The following RCOR1 variants were observed in gnomAD, a reference collection of about 807,000 sequenced individuals.
The protein encoded by RCOR1 is REST corepressor 1, also known as REST corepressor.
In RCOR1, 12 loss-of-function variants were observed where a neutral mutation model predicts 64.0. The ratio of observed to expected loss-of-function variants is 0.19; its 90% confidence interval spans 0.12 to 0.30. The LOEUF (loss-of-function observed/expected upper bound fraction) is 0.30. RCOR1 is among the 10% of genes least tolerant of loss of function. RCOR1 has a pLI of 1.00. For missense variants in RCOR1, 502 were observed against 621.2 expected (o/e 0.81, Z 2.04); for synonymous variants, 279 against 227.2 (o/e 1.23, Z -2.05).
intron 2 of RCOR1, among the ~76,000 whole-genome samples, chr14:102,663,583 G>C (rs989579030): frequency 6.6e-6 from 1 of 152,190 alleles, no homozygotes; most frequent in African/African-American, 2.4e-5. Flanking sequence ...TCATAAGATT[G>C]TGGTGCCTCA....
intron 2 of RCOR1, among the ~76,000 whole-genome samples, chr14:102,596,903 T>C (rs1893263174): frequency 1.6e-5 from 2 of 122,180 alleles, no homozygotes; most frequent in Non-Finnish European, 3.5e-5. Context: ...GACGGAGTCT[T>C]GATCTGTTGC....
At chr14:102,719,016 C>G (rs1465476911) in intron 8 of RCOR1, among the ~76,000 whole-genome samples, 1 of 152,082 alleles carries the variant, frequency 6.6e-6, no homozygotes, top group Admixed American at 6.6e-5. Flanking sequence ...TTCTTGAACT[C>G]CTGGGCTCAA....
intron 2 of RCOR1, among the ~76,000 whole-genome samples, chr14:102,663,854 C>G (rs1377331751): frequency 1.3e-5 from 2 of 152,148 alleles, no homozygotes; most frequent in Non-Finnish European, 2.9e-5. Flanking sequence ...ATATTGATAA[C>G]ATGGAAGAAA....
At chr14:102,656,129 A>ATTTTTTTTTTTTTTTTTTTTTTTT (rs201549580) in intron 2 of RCOR1, 1 of 978,842 alleles carries the variant, frequency 1.0e-6, no homozygotes, top group Admixed American at 6.2e-5. Context: ...CTTTGCTGAG[A>ATTTTTTTTTTTTTTTTTTTTTTTT]TTTTTTTATT....
rs74084129 is a variant in RCOR1, at chr14:102,700,091, A to G, written c.446-1187A>G. Reference sequence around the variant, plus strand: ...TTAAAACATAAAGAATAGTTTGTTCATTATTCAACCTGAGCTGAAACTAAA... The same window carrying G: ...TTAAAACATAAAGAATAGTTTGTTCGTTATTCAACCTGAGCTGAAACTAAA... On this transcript the variant is annotated intron_variant, in intron 3 of 11. Coordinates refer to ENST00000262241, the MANE Select transcript of RCOR1 (RefSeq NM_015156.4). Among the ~76,000 whole-genome samples the G allele has an allele frequency of 6.1e-3, 923 of 152,326 alleles. 10 individuals carry two copies. Among genetic ancestry groups the G allele is most frequent in the African/African-American group, 0.021 (890 of 41,574 alleles).
intron 5 of RCOR1, among the ~76,000 whole-genome samples, chr14:102,707,791 G>A (rs997289050): frequency 4.9e-5 from 6 of 122,802 alleles, no homozygotes; most frequent in Admixed American, 1.8e-4. Flanking sequence ...AGACCCATAC[G>A]AAGGACTTTT....
At chr14:102,617,322 G>A (rs561604844) in intron 2 of RCOR1, among the ~76,000 whole-genome samples, 18 of 152,262 alleles carry the variant, frequency 1.2e-4, no homozygotes, top group African/African-American at 3.4e-4. Flanking sequence ...ATTTTTTAGC[G>A]TTTCAAGAGC....
intron 2 of RCOR1, among the ~76,000 whole-genome samples, chr14:102,679,944 C>T (rs796126722): frequency 5.3e-5 from 8 of 152,240 alleles, no homozygotes; most frequent in African/African-American, 1.7e-4. Flanking sequence ...TTATCAATTA[C>T]GGCAAAAGAA....
chr14:102,644,363 T>G (rs1327542477), intron 2 of RCOR1, among the ~76,000 whole-genome samples: 1 of 152,226 alleles, frequency 6.6e-6, no homozygotes, highest in Non-Finnish European at 1.5e-5. Flanking sequence ...GAACATAGAT[T>G]CCATCTCTTG....
chr14:102,675,231 T>A (rs545267911), intron 2 of RCOR1, among the ~76,000 whole-genome samples: 2 of 152,204 alleles, frequency 1.3e-5, no homozygotes, highest in Admixed American at 1.3e-4. Context: ...TTGTGAGTGT[T>A]AAGACATGTA....
At chr14:102,668,124 T>C (rs1894952730) in intron 2 of RCOR1, among the ~76,000 whole-genome samples, 1 of 152,140 alleles carries the variant, frequency 6.6e-6, no homozygotes, top group South Asian at 2.1e-4. Flanking sequence ...AAGGTCAACT[T>C]TTGTTAAAAT....
In RCOR1 at chr14:102,611,814, C is replaced by T. The variant is rs1210469875; in HGVS notation, c.361+18489C>T. Among the ~76,000 whole-genome samples the T allele has an allele frequency of 5.9e-5, 9 of 152,188 alleles. No individual in the cohort carries two copies. In the East Asian group the frequency reaches 1.5e-3, roughly 26 times the overall value. ...CCCATGTGAGCCTTGTGGATTGTTC[C>T]ATTTGATTCTTTTGGGTATTTTATT... On this transcript the variant is annotated intron_variant, in intron 2 of 11. Transcript: ENST00000262241.
At chr14:102,631,839 C>T (rs1038634984) in intron 2 of RCOR1, among the ~76,000 whole-genome samples, 1 of 152,038 alleles carries the variant, frequency 6.6e-6, no homozygotes, top group Non-Finnish European at 1.5e-5. Context: ...CTCACTCTGT[C>T]GACCAGGTTG....
intron 2 of RCOR1, among the ~76,000 whole-genome samples, chr14:102,672,308 T>TACGCCCGGGTTC (rs1895046775): frequency 6.6e-6 from 1 of 152,018 alleles, no homozygotes; most frequent in Admixed American, 6.6e-5. Context: ...CACCTCCTGT[T>TACGCCCGGGTTC]ACGCCATTTT....
rs1478011984 is a variant in RCOR1 at position 102,654,003 on chromosome 14, TGA to T, written c.362-27889_362-27888del. Among the ~76,000 whole-genome samples, 6 of 129,142 alleles carry T rather than the reference TGA, an allele frequency of 4.6e-5. 1 individual carries two copies. Among genetic ancestry groups the T allele is most frequent in the Admixed American group, 8.6e-5 (1 of 11,578 alleles). 84.7% of individuals were successfully genotyped at this position (129,142 alleles called of 152,430 possible). On this transcript the variant is annotated intron_variant, in intron 2 of 11. Transcript: ENST00000262241. The stretch of plus-strand genomic sequence containing the variant: ...TCTTTCTTTTTTTTTTTTTTTTTTT[TGA>T]GACGGAGTCTGGCTCTGTCGCCCAG...
chr14:102,706,276 G>T (rs1271665769), intron 4 of RCOR1, among the ~76,000 whole-genome samples: 1 of 151,966 alleles, frequency 6.6e-6, no homozygotes, highest in Non-Finnish European at 1.5e-5. Flanking sequence ...CTTTCCAAAG[G>T]ACAGAGATTG....
At position 102,708,702 on chromosome 14, in the gene RCOR1, G is replaced by A. The variant is rs566182148; in HGVS notation, c.779+119G>A. The A allele has an allele frequency of 8.2e-5, 53 of 646,918 alleles. No individual in the cohort carries two copies. In the African/African-American group the frequency reaches 8.6e-4, roughly 11 times the overall value. The allele number at this position is 646,918 out of a possible 1,614,324, so 40.1% of individuals were successfully genotyped here. ...CCGCGCCTTCCTGGTGGAACCACAT[G>A]TTCATGAGATGTATTAGAGCGTGTC... On this transcript the variant is annotated intron_variant, in intron 6 of 11. Coordinates refer to ENST00000262241, the MANE Select transcript of RCOR1 (RefSeq NM_015156.4).
intron 2 of RCOR1, among the ~76,000 whole-genome samples, chr14:102,610,292 T>C (rs1454629169): frequency 1.3e-5 from 2 of 152,156 alleles, no homozygotes; most frequent in African/African-American, 4.8e-5. Context: ...ATTTTCCTTG[T>C]AGTTATCTAG....
chr14:102,699,753 TG>T (rs1035479749), intron 3 of RCOR1, among the ~76,000 whole-genome samples: 1 of 147,102 alleles, frequency 6.8e-6, no homozygotes, highest in African/African-American at 2.6e-5. Context: ...CTATGCTCCT[TG>T]ATTTTTTTTT....
Sources: gnomAD v4.1 joint callset for allele counts (sites outside exome capture counted in the v4.1 genomes callset) on GRCh38, gnomAD v4.1.1 for gene constraint, MANE v1.5 for transcripts, NCBI Gene and HGNC (gene_info 2026-07-23, HGNC 2026-07-21) for gene names.